RHCG: variants seen among roughly 807,000 people sequenced by gnomAD.
RHCG encodes Rh family C glycoprotein.
A neutral mutation model predicts 55.3 loss-of-function variants in RHCG; 39 were observed. The observed-to-expected ratio is 0.70, with a 90% CI of 0.55 to 0.92. The LOEUF (loss-of-function observed/expected upper bound fraction) is 0.92, where lower values mean the gene tolerates loss of function less well. Among genes scored for constraint, RHCG ranks in the 40% least tolerant of loss-of-function variants. The pLI, the probability that RHCG is intolerant of heterozygous loss-of-function variation, is 0.00. For synonymous variants in RHCG, 250 were observed against 246.8 expected (o/e 1.01, Z -0.12); for missense variants, 635 against 627.9 (o/e 1.01, Z -0.12).
chr15:89,474,722 A>G lies in RHCG; in HGVS notation c.1312-1859T>C, dbSNP rs549377765. On this transcript the variant is annotated intron_variant, in intron 9 of 10. Coordinates refer to ENST00000268122, the MANE Select transcript of RHCG (RefSeq NM_016321.3). ...AGTTGCCTGCCTGCTGCCTTCGTTCATTCCTTCCTGCCTGCCTTCCTTCCT... is the reference window on the plus strand; with the variant it reads ...AGTTGCCTGCCTGCTGCCTTCGTTCGTTCCTTCCTGCCTGCCTTCCTTCCT... Among the ~76,000 whole-genome samples the G allele has an allele frequency of 5.3e-4, 79 of 150,052 alleles. 1 individual carries two copies. Among genetic ancestry groups the G allele is most frequent in the African/African-American group, 1.7e-3 (68 of 40,512 alleles).
At chr15:89,487,999 G>T (rs1024266139) in intron 1 of RHCG, among the ~76,000 whole-genome samples, 2 of 152,136 alleles carry the variant, frequency 1.3e-5, no homozygotes, top group African/African-American at 4.8e-5. Context: ...ATGTTGCATG[G>T]TTCTCAACTC....
At position 89,493,997 on chromosome 15, in the gene RHCG, C is replaced by A. The variant is rs534015037; in HGVS notation, c.184+2364G>T. On this transcript the variant is annotated intron_variant, in intron 1 of 10. Transcript: ENST00000268122. Reference sequence around the variant, plus strand: ...TACCCCTCTCCTCTGTTGCTTCCTGCTCCATTGGCCAAGAGCTCTCCAGGA... The same window carrying A: ...TACCCCTCTCCTCTGTTGCTTCCTGATCCATTGGCCAAGAGCTCTCCAGGA... Among the ~76,000 whole-genome samples, 32 of 152,250 alleles carry A rather than the reference C, an allele frequency of 2.1e-4. No individual in the cohort carries two copies. In the South Asian group the frequency reaches 4.8e-3, roughly 23 times the overall value.
chr15:89,479,773 T>C, intron 4 of RHCG: 1 of 462,980 alleles, frequency 2.2e-6, no homozygotes, highest in Non-Finnish European at 3.9e-6. Context: ...GAATCTTTTC[T>C]CTACTGTAGG....
intron 1 of RHCG, among the ~76,000 whole-genome samples, chr15:89,493,218 T>C (rs879336881): frequency 4.6e-5 from 7 of 152,174 alleles, no homozygotes; most frequent in Non-Finnish European, 8.8e-5. Flanking sequence ...CCCTTGGTCT[T>C]CCAGGGAGCT....
At chr15:89,487,066 G>A (rs974986560) in intron 1 of RHCG, 81 bp from the exon 2 acceptor site, 3 of 1,326,788 alleles carry the variant, frequency 2.3e-6, no homozygotes, top group African/African-American at 1.5e-5. Flanking sequence ...GAAGGCCGGG[G>A]TAGCCCCTCA....
At chr15:89,484,897 C>T (rs904935988) in intron 2 of RHCG, among the ~76,000 whole-genome samples, 4 of 151,942 alleles carry the variant, frequency 2.6e-5, no homozygotes, top group Admixed American at 2.0e-4. Flanking sequence ...GAAGCTTGGG[C>T]AGGGCCTGAA....
Position 89,479,487 on chromosome 15 carries a change from G to T in RHCG, c.672C>A (p.Gly224=), listed in dbSNP as rs563259188. Residue 224 remains glycine, a splice_region_variant and synonymous_variant, in exon 5 of 11, where the codon GGC becomes GGA. Coordinates refer to ENST00000268122, the MANE Select transcript of RHCG (RefSeq NM_016321.3). ...VYQSDLFAMI[G]TLFLWMYWPS... is the part of the protein sequence containing the mutation. ...GCCAGTACATCCACAGGAAGAGGGT[G>T]CCTGGTCAGACCAGACAGGCCCAAT... 1.2e-6 allele frequency: 2 copies of T among 1,610,900 alleles called. No individual in the cohort carries two copies. Among genetic ancestry groups the T allele is most frequent in the Non-Finnish European group, 1.7e-6 (2 of 1,178,582 alleles).
chr15:89,484,509 T>C (rs1052087931), intron 2 of RHCG, among the ~76,000 whole-genome samples: 1 of 152,016 alleles, frequency 6.6e-6, no homozygotes, highest in Admixed American at 6.5e-5. Context: ...AGGCCGGCCA[T>C]GGTGGCTCAC....
At chr15:89,487,511 A>G (rs1192719149) in intron 1 of RHCG, among the ~76,000 whole-genome samples, 1 of 152,188 alleles carries the variant, frequency 6.6e-6, no homozygotes, top group Non-Finnish European at 1.5e-5. Context: ...TGGAGAATCA[A>G]TGCTCATCCG....
At chr15:89,490,631 C>A (rs1347129812) in intron 1 of RHCG, among the ~76,000 whole-genome samples, 1 of 152,108 alleles carries the variant, frequency 6.6e-6, no homozygotes, top group Non-Finnish European at 1.5e-5. Flanking sequence ...AGGGAGGTGA[C>A]AAATTCAGAT....
At position 89,496,539 on chromosome 15, in the gene RHCG, G is replaced by A; in HGVS notation, c.6C>T (p.Ala2=). The A allele has an allele frequency of 1.9e-6, 3 of 1,611,940 alleles. No individual in the cohort carries two copies. The highest frequency in any genetic ancestry group is 2.5e-6 in the Non-Finnish European group (3 of 1,179,692). ...GCCGCCAGCGGAGGTTGGTGTTCCA[G>A]GCCATGCTGCAGGGGTGCCTGGCCG... M[A]WNTNLRWRLP... is the part of the protein sequence containing the mutation. The change falls in exon 1 of 11, where the codon GCC becomes GCT. Residue 2 remains alanine (A), a synonymous_variant. Transcript: ENST00000268122.
chr15:89,478,500 A>G (rs1011080855), intron 5 of RHCG, among the ~76,000 whole-genome samples: 10 of 152,196 alleles, frequency 6.6e-5, no homozygotes, highest in Non-Finnish European at 1.2e-4. Flanking sequence ...ACATTTGCAG[A>G]TGGCGAAACT....
At chr15:89,475,861 C>T (rs1228685364) in intron 9 of RHCG, among the ~76,000 whole-genome samples, 7 of 152,212 alleles carry the variant, frequency 4.6e-5, no homozygotes, top group East Asian at 3.8e-4. Context: ...GCGCGAAAAC[C>T]GCTGCTCAAA....
chr15:89,478,032 T>G, intron 5 of RHCG, 58 bp from the exon 6 acceptor site: 2 of 1,546,612 alleles, frequency 1.3e-6, no homozygotes, highest in East Asian at 2.3e-5. Context: ...GCACCGGGCC[T>G]GGAGGAGCTC....
In RHCG at chr15:89,479,367, C is replaced by G. The variant is rs755958273; in HGVS notation, c.792G>C (p.Ser264=). The change falls in exon 5 of 11, where the codon TCG becomes TCC. Residue 264 remains serine (S), a synonymous_variant. Coordinates refer to ENST00000268122, the MANE Select transcript of RHCG (RefSeq NM_016321.3). ...YCSLAACVLT[S]VAISSALHKK... ...TGTGCAGGGCACTGGATATTGCCACCGAGGTAAGCACGCAGGCTGCCAAGG... is the reference window on the plus strand; with the variant it reads ...TGTGCAGGGCACTGGATATTGCCACGGAGGTAAGCACGCAGGCTGCCAAGG... 1 of 1,614,170 alleles carries G rather than the reference C, an allele frequency of 6.2e-7. No homozygotes were observed. The highest frequency in any genetic ancestry group is 8.5e-7 in the Non-Finnish European group (1 of 1,180,036).
At chr15:89,495,113 C>G (rs895762522) in intron 1 of RHCG, among the ~76,000 whole-genome samples, 1 of 152,144 alleles carries the variant, frequency 6.6e-6, no homozygotes, top group Non-Finnish European at 1.5e-5. Context: ...ACTGTGGTCT[C>G]CCCAGCAGGG....
chr15:89,479,633 G>T lies in RHCG; in HGVS notation c.671-145C>A, dbSNP rs1395955450. On this transcript the variant is annotated intron_variant, in intron 4 of 10. Coordinates refer to ENST00000268122, the MANE Select transcript of RHCG (RefSeq NM_016321.3). ...CCTCTGCAGCTTTAGTCATGCAGGG[G>T]CTCTTCCTGGAAGGCCCTCCCTGCC... The T allele has an allele frequency of 4.1e-6, 3 of 732,740 alleles. No individual in the cohort carries two copies. The African/African-American group carries it at 5.3e-5, about 13-fold the overall frequency. The allele number at this position is 732,740 out of a possible 1,614,324, so 45.4% of individuals were successfully genotyped here. A position where few individuals can be genotyped will look rare whatever the true frequency, so the allele number is the denominator to read the frequency against.
chr15:89,495,084 T>A (rs1266426330), intron 1 of RHCG, among the ~76,000 whole-genome samples: 1 of 152,146 alleles, frequency 6.6e-6, no homozygotes, highest in Non-Finnish European at 1.5e-5. Context: ...AAAACAGCCC[T>A]AAATGGAGCC....
intron 2 of RHCG, chr15:89,486,593 A>AGTGTGT (rs1380658005): frequency 1.2e-4 from 50 of 417,200 alleles, no homozygotes; most frequent in African/African-American, 6.2e-4. Flanking sequence ...AGAGAGAGAG[A>AGTGTGT]GAGAGAGTGT....
Sources: gnomAD v4.1 joint callset for allele counts (sites outside exome capture counted in the v4.1 genomes callset) on GRCh38, gnomAD v4.1.1 for gene constraint, MANE v1.5 for transcripts, NCBI Gene and HGNC (gene_info 2026-07-23, HGNC 2026-07-21) for gene names.